Variants in TRIM62 observed in about 807,000 individuals in gnomAD.
TRIM62 encodes the protein tripartite motif containing 62.
TRIM62 carries 39 observed loss-of-function variants against 44.2 expected under a neutral mutation model. That is an observed-to-expected ratio of 0.88 (90% CI 0.68 to 1.15). The LOEUF is 1.15. Ranked by LOEUF, TRIM62 falls within the 50% of genes most tolerant of loss-of-function variation. The probability of loss-of-function intolerance (pLI) is 0.00; values close to 1 mark genes in which losing one functional copy is unlikely to be tolerated. For synonymous variants in TRIM62, 278 were observed against 292.3 expected (o/e 0.95, Z 0.50); for missense variants, 544 against 665.5 (o/e 0.82, Z 2.01).
chr1:33,152,573 G>GAAAAAAAAAAAAAAAAAAAA (rs34380913), intron 4 of TRIM62, among the ~76,000 whole-genome samples: 1 of 102,822 alleles, frequency 9.7e-6, no homozygotes, highest in Non-Finnish European at 2.0e-5. Context: ...GTCTCAAAAA[G>GAAAAAAAAAAAAAAAAAAAA]AAAAAAAAAA....
chr1:33,162,445 A>G (rs983430549), intron 2 of TRIM62, among the ~76,000 whole-genome samples: 2 of 152,314 alleles, frequency 1.3e-5, no homozygotes, highest in South Asian at 2.1e-4. Flanking sequence ...GTCTTAATAC[A>G]TTGTCCCACA....
rs115222802 is a variant in TRIM62 at position 33,158,302 on chromosome 1, G to A, written c.828C>T (p.Gly276=). 5.4e-5 allele frequency: 87 copies of A among 1,614,082 alleles called. No homozygotes were observed. The African/African-American group carries it at 1.0e-3, about 19-fold the overall frequency. The change falls in exon 4 of 5, where the codon GGC becomes GGT. Residue 276 remains glycine (G), a synonymous_variant. Transcript: ENST00000291416. The part of the protein sequence containing the change: ...YEDFPTSKYT[G]PLQYTIWKSL... ...ACTTCCAGATGGTGTACTGCAGGGG[G>A]CCTGTGTACTTGGAGGTCGGGAAGT...
At chr1:33,178,547 G>C (rs1645438505) in intron 1 of TRIM62, among the ~76,000 whole-genome samples, 1 of 152,242 alleles carries the variant, frequency 6.6e-6, no homozygotes, top group South Asian at 2.1e-4. Flanking sequence ...GAAAAGGTGG[G>C]CTGTATGTTA....
In TRIM62 at chr1:33,175,232, AGAGATGG is replaced by A. The variant is rs1305389977; in HGVS notation, c.408+5786_408+5792del. Among the ~76,000 whole-genome samples the A allele has an allele frequency of 6.1e-3, 911 of 149,382 alleles. 10 individuals are homozygous for A. The highest frequency in any genetic ancestry group is 0.021 in the African/African-American group (848 of 40,518). ...TTTTTTTTTTTTTTGTATTTTTAGT[AGAGATGG>A]GGGTTTCATAATGTTGGCCAGGCTG... On this transcript the variant is annotated intron_variant, in intron 1 of 4. Coordinates refer to ENST00000291416, the MANE Select transcript of TRIM62 (RefSeq NM_018207.3).
rs903074587 is a variant in TRIM62 at position 33,177,129 on chromosome 1, A to G, written c.408+3896T>C. ...CACACACACATGCATGTACGCATGC[A>G]CACACACGCACATGCACACCCACAG... On this transcript the variant is annotated intron_variant, in intron 1 of 4. Transcript: ENST00000291416. This position sits in a 1 kb window ranked among gnomAD's most constrained non-coding sequence, Gnocchi z 4.1. 6.6e-6 allele frequency among the ~76,000 whole-genome samples: 1 copy of G among 151,884 alleles called. No individual in the cohort carries two copies. Among genetic ancestry groups the G allele is most frequent in the Admixed American group, 6.5e-5 (1 of 15,272 alleles).
chr1:33,181,078 G>T lies in TRIM62; in HGVS notation c.355C>A (p.Leu119Met). The change falls in exon 1 of 5, where the codon CTG (leucine) becomes ATG (methionine). Residue 119 changes from leucine to methionine, a missense_variant. Coordinates refer to ENST00000291416, the MANE Select transcript of TRIM62 (RefSeq NM_018207.3). The surrounding 1 kb of genome is among the most constrained non-coding windows in gnomAD (Gnocchi z 6.5). ...LLCFFCDEPA[L>M]HEQHQVTGID... Reference sequence around the variant, plus strand: ...CCGGTGACCTGATGCTGCTCGTGCAGTGCAGGCTCGTCGCAGAAGAAGCAG... The same window carrying T: ...CCGGTGACCTGATGCTGCTCGTGCATTGCAGGCTCGTCGCAGAAGAAGCAG... The T allele has an allele frequency of 1.3e-6, 2 of 1,599,224 alleles. No individual in the cohort carries two copies. The highest frequency in any genetic ancestry group is 1.7e-6 in the Non-Finnish European group (2 of 1,178,718).
chr1:33,179,922 TA>T (rs1350761649), intron 1 of TRIM62, among the ~76,000 whole-genome samples: 2 of 152,172 alleles, frequency 1.3e-5, no homozygotes, highest in African/African-American at 4.8e-5. Context: ...GGGGTGGGTA[TA>T]AAAAATATAC....
At chr1:33,149,491 G>T (rs1645067461) in intron 4 of TRIM62, among the ~76,000 whole-genome samples, 1 of 151,648 alleles carries the variant, frequency 6.6e-6, no homozygotes, top group African/African-American at 2.4e-5. Context: ...GTCTCACTCT[G>T]CCACCCAGGC....
intron 2 of TRIM62, among the ~76,000 whole-genome samples, chr1:33,160,347 G>T (rs999855906): frequency 3.9e-5 from 6 of 151,980 alleles, no homozygotes; most frequent in African/African-American, 1.5e-4. Flanking sequence ...GAGGGCTAGG[G>T]GACAGGGTGA....
Position 33,165,254 on chromosome 1 carries a change from T to C in TRIM62, c.504+217A>G, listed in dbSNP as rs1645316296. 1 of 484,568 alleles carries C rather than the reference T, an allele frequency of 2.1e-6. No individual in the cohort carries two copies. The highest frequency in any genetic ancestry group is 3.7e-6 in the Non-Finnish European group (1 of 269,328). 30.0% of individuals were successfully genotyped at this position (484,568 alleles called of 1,614,324 possible). ...TTAACCGAGGGACCAGCCCACATCC[T>C]TGCCGCCAGTCATGATGGGGTGGGT... On this transcript the variant is annotated intron_variant, in intron 2 of 4. Transcript: ENST00000291416. The surrounding 1 kb of genome is among the most constrained non-coding windows in gnomAD (Gnocchi z 4.0).
intron 1 of TRIM62, among the ~76,000 whole-genome samples, chr1:33,170,474 C>T (rs1320336346): frequency 3.9e-5 from 6 of 152,078 alleles, no homozygotes; most frequent in African/African-American, 7.2e-5. Flanking sequence ...TTTTCACAAT[C>T]TCAGTACCTA....
intron 4 of TRIM62, among the ~76,000 whole-genome samples, chr1:33,151,973 A>C (rs972490012): frequency 6.6e-6 from 1 of 152,264 alleles, no homozygotes; most frequent in Non-Finnish European, 1.5e-5. Flanking sequence ...GCTGGCTGTA[A>C]GCGTTTTCCT....
intron 1 of TRIM62, among the ~76,000 whole-genome samples, chr1:33,175,206 ATT>A (rs541492582): frequency 5.0e-4 from 71 of 142,632 alleles, no homozygotes; most frequent in African/African-American, 1.6e-3. Context: ...TGCCCAGCTA[ATT>A]TTTTTTTTTT....
At chr1:33,172,122 G>A (rs973143319) in intron 1 of TRIM62, among the ~76,000 whole-genome samples, 1 of 152,142 alleles carries the variant, frequency 6.6e-6, no homozygotes, top group Non-Finnish European at 1.5e-5. Flanking sequence ...CTGCTCCATA[G>A]GCTTGCTCTG....
At chr1:33,174,244 C>T (rs1398515366) in intron 1 of TRIM62, among the ~76,000 whole-genome samples, 1 of 151,668 alleles carries the variant, frequency 6.6e-6, no homozygotes, top group Non-Finnish European at 1.5e-5. Flanking sequence ...TGCAGTGGCA[C>T]CATCACAGCT....
chr1:33,152,066 T>C (rs1645106422), intron 4 of TRIM62, among the ~76,000 whole-genome samples: 1 of 152,220 alleles, frequency 6.6e-6, no homozygotes, highest in African/African-American at 2.4e-5. Context: ...TCACACTCAC[T>C]AGCTCATGGG....
At chr1:33,163,810 C>G (rs1645300856) in intron 2 of TRIM62, 1 of 152,470 alleles carries the variant, frequency 6.6e-6, no homozygotes, top group Admixed American at 6.5e-5. Flanking sequence ...GAAATATGAC[C>G]TCCAAAGCAT....
chr1:33,155,025 A>G (rs924151919), intron 4 of TRIM62, among the ~76,000 whole-genome samples: 3 of 145,604 alleles, frequency 2.1e-5, no homozygotes, highest in East Asian at 2.3e-4. Context: ...CCCGGGAGGC[A>G]GACCTTGCAG....
At chr1:33,176,238 T>C (rs561143982) in intron 1 of TRIM62, among the ~76,000 whole-genome samples, 59 of 152,366 alleles carry the variant, frequency 3.9e-4, no homozygotes, top group African/African-American at 1.3e-3. Flanking sequence ...TTTCTCTCTC[T>C]TTATACAGAA....
Sources: allele counts gnomAD v4.1 joint callset (sites outside exome capture counted in the v4.1 genomes callset), GRCh38; gene constraint gnomAD v4.1.1; non-coding constraint Gnocchi (gnomAD v3.1); transcripts MANE v1.5; gene names NCBI Gene and HGNC (gene_info 2026-07-23, HGNC 2026-07-21).